The following KCNMA1 variants were observed in gnomAD, a reference collection of about 807,000 sequenced individuals.
The protein encoded by KCNMA1 is Calcium-activated potassium channel subunit alpha-1.
A neutral mutation model predicts 140.0 loss-of-function variants in KCNMA1; 29 were observed. The ratio of observed to expected loss-of-function variants is 0.21; its 90% CI spans 0.15 to 0.28. The LOEUF (loss-of-function observed/expected upper bound fraction) is 0.28, where lower values mean the gene tolerates loss of function less well. KCNMA1 is among the 10% of genes least tolerant of loss of function. KCNMA1 has a pLI of 1.00. For synonymous variants in KCNMA1, 612 were observed against 611.9 expected (o/e 1.00, Z 0.00); for missense variants, 880 against 1,602.2 (o/e 0.55, Z 7.70).
At chr10:77,152,670 T>C (rs2098437946) in intron 5 of KCNMA1, among the ~76,000 whole-genome samples, 1 of 152,108 alleles carries the variant, frequency 6.6e-6, no homozygotes, top group South Asian at 2.1e-4. Context: ...CCCTAGCACT[T>C]ACGACCTGTA....
intron 1 of KCNMA1, among the ~76,000 whole-genome samples, chr10:77,510,266 C>G (rs546467621): frequency 1.6e-4 from 24 of 152,064 alleles, no homozygotes; most frequent in Admixed American, 6.5e-4. Context: ...ACTCCACTTG[C>G]CATAGAGTCA....
Position 77,116,629 on chromosome 10 carries a change from T to C in KCNMA1, c.885-4187A>G, listed in dbSNP as rs1213498161. Among the ~76,000 whole-genome samples the C allele has an allele frequency of 8.5e-5, 13 of 152,208 alleles. No individual in the cohort carries two copies. In the East Asian group the frequency reaches 2.5e-3, roughly 29 times the overall value. On this transcript the variant is annotated intron_variant, in intron 6 of 27. Transcript: ENST00000286628. ...CTGGACTGCACCACACTAACATAAA[T>C]GGTCTGAATGACAACATGAGTGGAA... is the stretch of plus-strand genomic sequence containing the variant.
chr10:77,250,596 C>A (rs1436212524), intron 3 of KCNMA1: 3 of 164,814 alleles, frequency 1.8e-5, no homozygotes, highest in Non-Finnish European at 4.0e-5. Context: ...AGTGTCCACT[C>A]TAGAAGTCCT....
intron 19 of KCNMA1, chr10:76,995,843 T>A (rs1431450110): frequency 1.4e-5 from 5 of 370,362 alleles, no homozygotes; most frequent in Admixed American, 3.3e-5. Context: ...CAGCATGGTG[T>A]CCCTGGGAAG....
intron 2 of KCNMA1, among the ~76,000 whole-genome samples, chr10:77,395,688 A>G (rs1182377021): frequency 6.6e-6 from 1 of 152,232 alleles, no homozygotes; most frequent in Non-Finnish European, 1.5e-5. Flanking sequence ...ATCCGGGAAC[A>G]ATTCGTGGGT....
chr10:77,049,302 T>C (rs2095263606), intron 14 of KCNMA1, among the ~76,000 whole-genome samples: 2 of 152,340 alleles, frequency 1.3e-5, no homozygotes, highest in South Asian at 2.1e-4. Flanking sequence ...TTCACCAATG[T>C]GCTGTGCTGT....
chr10:77,159,009 C>T (rs975541186), intron 5 of KCNMA1, among the ~76,000 whole-genome samples: 1 of 152,214 alleles, frequency 6.6e-6, no homozygotes, highest in African/African-American at 2.4e-5. Context: ...AAAATAACCA[C>T]ATTTTATAAA....
rs556447878 is a variant in KCNMA1 at position 77,319,679 on chromosome 10, C to T, written c.541-68423G>A. The stretch of plus-strand genomic sequence containing the variant: ...CTGAGTGCTGAGTGGTTTGCTCTAG[C>T]CAATGTAACATGAGCCACATGATGC... On this transcript the variant is annotated intron_variant, in intron 2 of 27. Coordinates refer to ENST00000286628, the MANE Select transcript of KCNMA1 (RefSeq NM_001161352.2). 3.0e-4 allele frequency among the ~76,000 whole-genome samples: 45 copies of T among 152,312 alleles called. 1 individual carries two copies. The South Asian group carries it at 9.1e-3, about 31-fold the overall frequency.
intron 2 of KCNMA1, among the ~76,000 whole-genome samples, chr10:77,330,753 A>T (rs760797462): frequency 6.6e-6 from 1 of 152,206 alleles, no homozygotes; most frequent in Non-Finnish European, 1.5e-5. Flanking sequence ...GTTTAGTGGG[A>T]AAAGCAGCCA....
chr10:77,349,972 C>T (rs1054037882), intron 2 of KCNMA1, among the ~76,000 whole-genome samples: 3 of 152,006 alleles, frequency 2.0e-5, no homozygotes, highest in African/African-American at 7.3e-5. Context: ...CGGCTTGGCT[C>T]ACCGCAACCT....
chr10:77,109,344 C>T (rs374755532), intron 8 of KCNMA1, among the ~76,000 whole-genome samples: 4 of 151,948 alleles, frequency 2.6e-5, no homozygotes, highest in African/African-American at 9.7e-5. Context: ...AATGTGCGCA[C>T]GGTGTACATA....
intron 2 of KCNMA1, among the ~76,000 whole-genome samples, chr10:77,292,811 T>C (rs896333002): frequency 3.9e-5 from 6 of 152,208 alleles, no homozygotes; most frequent in African/African-American, 1.4e-4. Context: ...ACTAACCAGA[T>C]CCCTGCCCTC....
chr10:76,955,678 A>C (rs1455454698), intron 20 of KCNMA1, among the ~76,000 whole-genome samples: 1 of 152,230 alleles, frequency 6.6e-6, no homozygotes, highest in Middle Eastern at 3.2e-3. Flanking sequence ...ATGTTAAGAT[A>C]AAAAGGCTGA....
chr10:77,078,572 C>T (rs540442279), intron 13 of KCNMA1, among the ~76,000 whole-genome samples: 1 of 152,206 alleles, frequency 6.6e-6, no homozygotes, highest in Admixed American at 6.5e-5. Context: ...ATTCTCATCT[C>T]GACTCTGGGA....
chr10:77,028,230 G>A (rs144434907), intron 15 of KCNMA1, among the ~76,000 whole-genome samples: 1 of 152,178 alleles, frequency 6.6e-6, no homozygotes, highest in Non-Finnish European at 1.5e-5. Flanking sequence ...GTTAACTACA[G>A]GGGGAGGGAA....
At chr10:76,948,958 T>C in intron 22 of KCNMA1, 184 bp downstream of exon 22, 8 of 659,486 alleles carry the variant, frequency 1.2e-5, no homozygotes, top group Non-Finnish European at 1.6e-5. Flanking sequence ...CAAATTCCTT[T>C]TAATAAGGTC....
intron 3 of KCNMA1, among the ~76,000 whole-genome samples, chr10:77,212,134 A>C (rs182740958): frequency 6.6e-6 from 1 of 152,298 alleles, no homozygotes; most frequent in African/African-American, 2.4e-5. Flanking sequence ...ATACCAAAAA[A>C]ACACATGCAC....
chr10:77,027,615 C>A (rs915439683), intron 16 of KCNMA1, among the ~76,000 whole-genome samples: 2 of 152,206 alleles, frequency 1.3e-5, no homozygotes, highest in Non-Finnish European at 2.9e-5. Flanking sequence ...GAATGCCCAG[C>A]AGGGCTTTGG....
chr10:76,990,841 G>A (rs1397473173), intron 19 of KCNMA1, among the ~76,000 whole-genome samples: 1 of 152,214 alleles, frequency 6.6e-6, no homozygotes, highest in African/African-American at 2.4e-5. Flanking sequence ...CCATTCAAAG[G>A]TAAGGGAATG....
Sources: gnomAD v4.1 joint callset for allele counts (sites outside exome capture counted in the v4.1 genomes callset) on GRCh38, gnomAD v4.1.1 for gene constraint, MANE v1.5 for transcripts, NCBI Gene and HGNC (gene_info 2026-07-23, HGNC 2026-07-21) for gene names.